The following MLLT3 variants were observed in gnomAD, a reference collection of about 807,000 sequenced individuals.
The protein encoded by MLLT3 is MLLT3 super elongation complex subunit.
In MLLT3, 4 loss-of-function variants were observed where a neutral mutation model predicts 53.2. The observed-to-expected ratio is 0.08, with a 90% CI of 0.04 to 0.17. The LOEUF is 0.17. Ranked by LOEUF, MLLT3 falls within the 10% of genes least tolerant of loss-of-function variation. The probability of loss-of-function intolerance (pLI) is 1.00; values close to 1 mark genes in which losing one functional copy is unlikely to be tolerated. For missense variants in MLLT3, 569 were observed against 684.0 expected, an observed-to-expected ratio of 0.83 and a Z score of 1.87; for synonymous variants, 283 against 230.6, an observed-to-expected ratio of 1.23 and a Z score of -2.06.
intron 2 of MLLT3, among the ~76,000 whole-genome samples, chr9:20,475,888 T>C (rs907578582): frequency 2.0e-5 from 3 of 152,158 alleles, no homozygotes; most frequent in Admixed American, 6.5e-5. Flanking sequence ...CAGTGTGTTA[T>C]TTCAGTTAGC....
At chr9:20,563,901 G>A (rs1363237125) in intron 2 of MLLT3, among the ~76,000 whole-genome samples, 1 of 152,132 alleles carries the variant, frequency 6.6e-6, no homozygotes, top group African/African-American at 2.4e-5. Flanking sequence ...ATCCAACTTA[G>A]GATATAACAA....
rs1036698535 is a variant in MLLT3, at chr9:20,613,588, T to G, written c.193+7066A>C. The stretch of plus-strand genomic sequence containing the variant: ...TATCATTCTCTGCATTTCCCCATGC[T>G]TTTTTTTTTTTAATTAAAAAAGCAG... On this transcript the variant is annotated intron_variant, in intron 2 of 10. Coordinates refer to ENST00000380338, the MANE Select transcript of MLLT3 (RefSeq NM_004529.4). 1.6e-4 allele frequency among the ~76,000 whole-genome samples: 23 copies of G among 142,584 alleles called. No homozygotes were observed. In the South Asian group the frequency reaches 3.0e-3, roughly 19 times the overall value. The allele number at this position is 142,584 out of a possible 152,430, so 93.5% of individuals were successfully genotyped here. A position where few individuals can be genotyped will look rare whatever the true frequency, so the allele number is the denominator to read the frequency against.
chr9:20,397,147 A>G (rs1335391493), intron 5 of MLLT3, among the ~76,000 whole-genome samples: 2 of 152,144 alleles, frequency 1.3e-5, no homozygotes, highest in Admixed American at 6.6e-5. Flanking sequence ...AGAACGCAGG[A>G]GTCCTTCTAG....
At chr9:20,501,064 G>C (rs1015022162) in intron 2 of MLLT3, among the ~76,000 whole-genome samples, 3 of 152,098 alleles carry the variant, frequency 2.0e-5, no homozygotes, top group African/African-American at 7.2e-5. Flanking sequence ...AGCTAAATAT[G>C]ATTGATTTTT....
chr9:20,610,441 G>T, intron 2 of MLLT3, among the ~76,000 whole-genome samples: 1 of 152,278 alleles, frequency 6.6e-6, no homozygotes, highest in South Asian at 2.1e-4. Context: ...AAATTCAAGT[G>T]GTGGTTCTGT....
intron 3 of MLLT3, among the ~76,000 whole-genome samples, chr9:20,452,036 A>T (rs1445341862): frequency 8.5e-5 from 13 of 152,230 alleles, no homozygotes; most frequent in Admixed American, 8.5e-4. Context: ...AGACGAGCTC[A>T]TTAGAGAAGC....
chr9:20,417,193 AT>A (rs1170425534), intron 4 of MLLT3, among the ~76,000 whole-genome samples: 93 of 137,958 alleles, frequency 6.7e-4, no homozygotes, highest in Non-Finnish European at 1.2e-3. Context: ...ATATATATAT[AT>A]TATATATTAT....
At chr9:20,496,782 C>T (rs1825089073) in intron 2 of MLLT3, among the ~76,000 whole-genome samples, 2 of 152,166 alleles carry the variant, frequency 1.3e-5, no homozygotes, top group South Asian at 2.1e-4. Flanking sequence ...TGGATTCAGG[C>T]TTATCTTTGC....
chr9:20,463,631 G>A (rs1480631239), intron 2 of MLLT3, among the ~76,000 whole-genome samples: 1 of 152,110 alleles, frequency 6.6e-6, no homozygotes, highest in African/African-American at 2.4e-5. Context: ...ATACAGAATT[G>A]TTTCAAATGA....
chr9:20,576,244 G>C (rs1819650789), intron 2 of MLLT3, among the ~76,000 whole-genome samples: 1 of 152,206 alleles, frequency 6.6e-6, no homozygotes, highest in Non-Finnish European at 1.5e-5. Flanking sequence ...TGGCTTAAGA[G>C]AATGCTGTGG....
At chr9:20,393,215 A>G (rs1032374461) in intron 5 of MLLT3, among the ~76,000 whole-genome samples, 1 of 152,192 alleles carries the variant, frequency 6.6e-6, no homozygotes, top group African/African-American at 2.4e-5. Context: ...CCTTATAAAA[A>G]ATAAAGAAAT....
intron 2 of MLLT3, among the ~76,000 whole-genome samples, chr9:20,563,673 T>C (rs925366646): frequency 6.6e-6 from 1 of 152,152 alleles, no homozygotes; most frequent in African/African-American, 2.4e-5. Flanking sequence ...CATTGTTTTT[T>C]TCCCTTTATC....
chr9:20,557,152 A>G (rs1819081611), intron 2 of MLLT3, among the ~76,000 whole-genome samples: 1 of 152,032 alleles, frequency 6.6e-6, no homozygotes. Context: ...TGTTCATACC[A>G]CCAAGAAAAC....
intron 7 of MLLT3, among the ~76,000 whole-genome samples, chr9:20,361,323 T>C (rs887597713): frequency 2.0e-5 from 3 of 152,208 alleles, no homozygotes; most frequent in Non-Finnish European, 4.4e-5. Context: ...CCCTCTCTGT[T>C]ACAGATGAAA....
intron 5 of MLLT3, among the ~76,000 whole-genome samples, chr9:20,412,128 A>T (rs1822744620): frequency 6.6e-6 from 1 of 152,186 alleles, no homozygotes; most frequent in African/African-American, 2.4e-5. Flanking sequence ...TAGAATATAA[A>T]ATGGCAAAGT....
intron 2 of MLLT3, among the ~76,000 whole-genome samples, chr9:20,498,279 G>A (rs1157270170): frequency 8.2e-6 from 1 of 121,404 alleles, no homozygotes; most frequent in Non-Finnish European, 1.7e-5. Context: ...TCTTCTAGCT[G>A]TTCTACCTTT....
intron 4 of MLLT3, 126 bp downstream of exon 4, chr9:20,447,997 C>G: frequency 1.0e-6 from 1 of 971,300 alleles, no homozygotes; most frequent in Non-Finnish European, 1.5e-6. Context: ...CATTAAGGTA[C>G]ATCATTTCTT....
At chr9:20,374,580 C>T (rs899458052) in intron 5 of MLLT3, among the ~76,000 whole-genome samples, 1 of 152,144 alleles carries the variant, frequency 6.6e-6, no homozygotes, top group Non-Finnish European at 1.5e-5. Context: ...ACCTAACAAT[C>T]TATGCACTAG....
intron 5 of MLLT3, among the ~76,000 whole-genome samples, chr9:20,388,216 C>A: frequency 6.6e-6 from 1 of 152,262 alleles, no homozygotes; most frequent in African/African-American, 2.4e-5. Flanking sequence ...CAAAACTAAA[C>A]CATTAGCTAA....
Sources: allele counts gnomAD v4.1 joint callset (sites outside exome capture counted in the v4.1 genomes callset), GRCh38; gene constraint gnomAD v4.1.1; transcripts MANE v1.5; gene names NCBI Gene and HGNC (gene_info 2026-07-23, HGNC 2026-07-21).